TXNL1: variants seen among roughly 807,000 people sequenced by gnomAD.
TXNL1 encodes thioredoxin like 1.
Under a neutral mutation model 35.5 loss-of-function variants are expected in TXNL1, and 14 were observed. The ratio of observed to expected loss-of-function variants is 0.39; its 90% confidence interval spans 0.26 to 0.62. The LOEUF (loss-of-function observed/expected upper bound fraction) is 0.62, where lower values mean the gene tolerates loss of function less well. TXNL1 is among the 20% of genes least tolerant of loss of function. The pLI is 0.47. For synonymous variants in TXNL1, 110 were observed against 115.5 expected, an observed-to-expected ratio of 0.95 and a Z score of 0.31; for missense variants, 263 against 349.7, an observed-to-expected ratio of 0.75 and a Z score of 1.98.
chr18:56,614,040 T>C (rs1361280451), intron 6 of TXNL1, among the ~76,000 whole-genome samples: 1 of 151,936 alleles, frequency 6.6e-6, no homozygotes, highest in East Asian at 1.9e-4. Flanking sequence ...TTTACTAAGA[T>C]CATGACCACC....
Position 56,601,066 on chromosome 18 carries a change from C to T in TXNL1, c.*1961G>A, listed in dbSNP as rs957577666. On this transcript the variant is annotated 3_prime_UTR_variant, in exon 8 of 8. Transcript: ENST00000217515. ...CTAGAGTTACATTTTTTCAAATGCT[C>T]TTATTCATCTGGAAAATTCAGTGTT... The T allele has an allele frequency of 2.6e-5, 4 of 152,016 alleles. No individual in the cohort carries two copies. Among genetic ancestry groups the T allele is most frequent in the Admixed American group, 2.0e-4 (3 of 15,270 alleles). 9.4% of individuals were successfully genotyped at this position (152,016 alleles called of 1,614,324 possible).
intron 7 of TXNL1, chr18:56,609,477 G>GCTTAAGAAGGTTTAACT (rs2023955889): frequency 6.6e-6 from 1 of 152,074 alleles, no homozygotes; most frequent in Non-Finnish European, 1.5e-5. Flanking sequence ...TGGCTAGCTG[G>GCTTAAGAAGGTTTAACT]TAAGAAGGTA....
At position 56,624,376 on chromosome 18, in the gene TXNL1, G is replaced by A; in HGVS notation, c.281C>T (p.Ala94Val). The A allele has an allele frequency of 6.2e-7, 1 of 1,613,736 alleles. No individual in the cohort carries two copies. Among genetic ancestry groups the A allele is most frequent in the Non-Finnish European group, 8.5e-7 (1 of 1,179,822 alleles). The change falls in exon 3 of 8, where the codon GCA becomes GTA. Residue 94 changes from alanine to valine, a missense_variant. Physicochemically the swap from Ala to Val is moderately conservative, Grantham distance 64. Coordinates refer to ENST00000217515, the MANE Select transcript of TXNL1 (RefSeq NM_004786.3). ...NKVRIDQYQG[A>V]DAVGLEEKIK... ...TTTTTCTTCTAATCCCACAGCATCT[G>A]CTCCTTGATATTGATCAATTCTCAC... is the stretch of plus-strand genomic sequence containing the variant.
At chr18:56,635,015 A>G (rs536934751) in intron 1 of TXNL1, among the ~76,000 whole-genome samples, 8 of 152,290 alleles carry the variant, frequency 5.3e-5, no homozygotes, top group Admixed American at 3.3e-4. Context: ...TAACCCCAGC[A>G]ATTTGGGATG....
At chr18:56,630,679 A>C (rs1440460204) in intron 1 of TXNL1, among the ~76,000 whole-genome samples, 1 of 152,186 alleles carries the variant, frequency 6.6e-6, no homozygotes, top group African/African-American at 2.4e-5. Context: ...GCAGCTGAAC[A>C]GACTATTAAA....
rs1339408416 is a variant in TXNL1 at position 56,598,324 on chromosome 18, TG to T, written c.*4702del. The T allele has an allele frequency of 2.0e-5, 3 of 152,164 alleles. No homozygotes were observed. 9.4% of individuals were successfully genotyped at this position (152,164 alleles called of 1,614,324 possible). A position where few individuals can be genotyped will look rare whatever the true frequency, so the allele number is the denominator to read the frequency against. On this transcript the variant is annotated 3_prime_UTR_variant, in exon 8 of 8. Transcript: ENST00000217515. ...AGACTACAGATCATTACAAGTAGCTTGATAAGTATCCGGATGAAATAATGGC... is the reference window on the plus strand; with the variant it reads ...AGACTACAGATCATTACAAGTAGCTTATAAGTATCCGGATGAAATAATGGC...
intron 1 of TXNL1, among the ~76,000 whole-genome samples, chr18:56,637,590 A>C: frequency 6.6e-6 from 1 of 152,196 alleles, no homozygotes; most frequent in Non-Finnish European, 1.5e-5. Context: ...GATATTTACC[A>C]AAGACAGTTA....
In TXNL1 at chr18:56,598,996, T is replaced by C. The variant is rs1275682215; in HGVS notation, c.*4031A>G. 6.6e-6 allele frequency: 1 copy of C among 152,162 alleles called. No individual in the cohort carries two copies. The allele number at this position is 152,162 out of a possible 1,614,324, so 9.4% of individuals were successfully genotyped here. A position where few individuals can be genotyped will look rare whatever the true frequency, so the allele number is the denominator to read the frequency against. On this transcript the variant is annotated 3_prime_UTR_variant, in exon 8 of 8. Transcript: ENST00000217515. ...ACAATTAATTCTGGTCTGTTCAACT[T>C]AGAAATAATTCCAAAATAAAATTCC...
rs1302113955 is a variant in TXNL1, at chr18:56,612,323, T to C, written c.736-1226A>G. Among the ~76,000 whole-genome samples the C allele has an allele frequency of 3.9e-5, 6 of 152,156 alleles. No homozygotes were observed. The East Asian group carries it at 1.2e-3, about 29-fold the overall frequency. On this transcript the variant is annotated intron_variant, in intron 6 of 7. Coordinates refer to ENST00000217515, the MANE Select transcript of TXNL1 (RefSeq NM_004786.3). ...ATATTCCTGTATCCATTCTATTTCC[T>C]AGAATATTAAAAGAAAAAATAGTAT...
chr18:56,631,092 C>A (rs2024363147), intron 1 of TXNL1, among the ~76,000 whole-genome samples: 1 of 152,032 alleles, frequency 6.6e-6, no homozygotes, highest in Non-Finnish European at 1.5e-5. Context: ...GTTGCCCAGG[C>A]TGGTCTCAAA....
chr18:56,631,784 G>GTAAC (rs959319470), intron 1 of TXNL1, among the ~76,000 whole-genome samples: 3 of 152,144 alleles, frequency 2.0e-5, no homozygotes, highest in Non-Finnish European at 4.4e-5. Flanking sequence ...GCTGGGCCTA[G>GTAAC]TAACGCATGC....
chr18:56,624,404 T>C lies in TXNL1; in HGVS notation c.253A>G (p.Lys85Glu). 1.2e-6 allele frequency: 2 copies of C among 1,613,736 alleles called. No homozygotes were observed. Among genetic ancestry groups the C allele is most frequent in the Middle Eastern group, 1.7e-4 (1 of 6,060 alleles). ...CCTTGATATTGATCAATTCTCACTT[T>C]GTTTCGAAAAAACAAAAATGTAGGT... ...ATPTFLFFRNKVRIDQYQGAD... is the reference protein window; with the variant it reads ...ATPTFLFFRNEVRIDQYQGAD... Residue 85 changes from lysine (K) to glutamate (E), a missense_variant, in exon 3 of 8, where the codon AAA (lysine) becomes GAA (glutamate). Physicochemically the swap from Lys to Glu is moderately conservative, Grantham distance 56 (BLOSUM62 1). Coordinates refer to ENST00000217515, the MANE Select transcript of TXNL1 (RefSeq NM_004786.3).
chr18:56,636,764 A>T (rs2024461893), intron 1 of TXNL1, among the ~76,000 whole-genome samples: 1 of 152,138 alleles, frequency 6.6e-6, no homozygotes, highest in African/African-American at 2.4e-5. Flanking sequence ...TGCTATGGTA[A>T]GGGAGAAAAA....
intron 2 of TXNL1, among the ~76,000 whole-genome samples, chr18:56,625,144 A>G (rs1427353303): frequency 1.3e-5 from 2 of 152,280 alleles, no homozygotes; most frequent in South Asian, 4.1e-4. Context: ...AAATATTATG[A>G]AAGTCACTAC....
chr18:56,622,623 T>G (rs1164293888), intron 3 of TXNL1, among the ~76,000 whole-genome samples: 2 of 152,192 alleles, frequency 1.3e-5, no homozygotes, highest in African/African-American at 4.8e-5. Flanking sequence ...TTTTATTTCT[T>G]AAAACTTCAT....
chr18:56,613,597 T>G (rs2024032236), intron 6 of TXNL1, among the ~76,000 whole-genome samples: 1 of 152,094 alleles, frequency 6.6e-6, no homozygotes, highest in African/African-American at 2.4e-5. Context: ...GAGGACTGCT[T>G]GAGCCCAGGA....
rs187366707 is a variant in TXNL1 at position 56,598,088 on chromosome 18, C to T, written c.*4939G>A. 4.6e-5 allele frequency: 7 copies of T among 152,376 alleles called. No individual in the cohort carries two copies. The highest frequency in any genetic ancestry group is 4.6e-4 in the Admixed American group (7 of 15,308). The allele number at this position is 152,376 out of a possible 1,614,324, so 9.4% of individuals were successfully genotyped here. A position where few individuals can be genotyped will look rare whatever the true frequency, so the allele number is the denominator to read the frequency against. On this transcript the variant is annotated 3_prime_UTR_variant, in exon 8 of 8. Transcript: ENST00000217515. ...ACACTTAACTCCCACTCTATGAACACACTATGCACTTTTCCTTTACTTCAG... is the reference window on the plus strand; with the variant it reads ...ACACTTAACTCCCACTCTATGAACATACTATGCACTTTTCCTTTACTTCAG...
chr18:56,601,065 T>A lies in TXNL1; in HGVS notation c.*1962A>T, dbSNP rs762058830. 3.9e-5 allele frequency: 6 copies of A among 152,174 alleles called. No homozygotes were observed. The highest frequency in any genetic ancestry group is 7.3e-5 in the Non-Finnish European group (5 of 68,028). The allele number at this position is 152,174 out of a possible 1,614,324, so 9.4% of individuals were successfully genotyped here. ...ACTAGAGTTACATTTTTTCAAATGC[T>A]CTTATTCATCTGGAAAATTCAGTGT... On this transcript the variant is annotated 3_prime_UTR_variant, in exon 8 of 8. Coordinates refer to ENST00000217515, the MANE Select transcript of TXNL1 (RefSeq NM_004786.3).
chr18:56,621,515 G>T (rs915719080), intron 3 of TXNL1, among the ~76,000 whole-genome samples: 11 of 152,026 alleles, frequency 7.2e-5, no homozygotes, highest in African/African-American at 2.7e-4. Flanking sequence ...TATTTAAAGG[G>T]GTGCATTAAA....
Sources: gnomAD v4.1 joint callset for allele counts (sites outside exome capture counted in the v4.1 genomes callset) on GRCh38, gnomAD v4.1.1 for gene constraint, MANE v1.5 for transcripts, NCBI Gene and HGNC (gene_info 2026-07-23, HGNC 2026-07-21) for gene names.